The following LRP3 variants were observed in gnomAD, a reference collection of about 807,000 sequenced individuals.
LRP3 encodes LDL receptor related protein 3, also known as low-density lipoprotein receptor-related protein 3.
A neutral mutation model predicts 58.5 loss-of-function variants in LRP3; 49 were observed. That is an observed-to-expected ratio of 0.84 (90% CI 0.67 to 1.06). The LOEUF (loss-of-function observed/expected upper bound fraction) is 1.06, where lower values mean the gene tolerates loss of function less well. Ranked by LOEUF, LRP3 falls within the 50% of genes least tolerant of loss-of-function variation. The pLI is 0.00. For missense variants in LRP3, 1,019 were observed against 1,134.2 expected (o/e 0.90, Z 1.46); for synonymous variants, 485 against 492.2 (o/e 0.99, Z 0.20).
chr19:33,205,614 T>A lies in LRP3; in HGVS notation c.844T>A (p.Cys282Ser). Reference protein sequence around the residue: ...GAARGPSDLHCTWLVDTQDSR... With the variant: ...GAARGPSDLHSTWLVDTQDSR... ...CGCTCGCGGGCCCTCAGACCTTCAC[T>A]GCACGTGGCTGGTGGACACACAGGA... is the stretch of plus-strand genomic sequence containing the variant. The change falls in exon 5 of 7, where the codon TGC becomes AGC. Residue 282 changes from cysteine to serine, a missense_variant. Physicochemically the swap from Cys to Ser is moderately radical, Grantham distance 112. Coordinates refer to ENST00000253193, the MANE Select transcript of LRP3 (RefSeq NM_002333.4). 2 of 1,611,288 alleles carry A rather than the reference T, an allele frequency of 1.2e-6. No homozygotes were observed. Among genetic ancestry groups the A allele is most frequent in the Non-Finnish European group, 1.7e-6 (2 of 1,179,418 alleles).
rs1180862056 is a variant in LRP3 at position 33,207,713 on chromosome 19, C to T, written c.*138C>T. On this transcript the variant is annotated 3_prime_UTR_variant, in exon 7 of 7. Coordinates refer to ENST00000253193, the MANE Select transcript of LRP3 (RefSeq NM_002333.4). ...GCGGAGGGGCTGGCCCCTAAGCCAG[C>T]TGGCTGCACTGGTGGGCGGGAGCTG... 5 of 656,912 alleles carry T rather than the reference C, an allele frequency of 7.6e-6. No homozygotes were observed. The highest frequency in any genetic ancestry group is 1.3e-5 in the Non-Finnish European group (5 of 384,486). 40.7% of individuals were successfully genotyped at this position (656,912 alleles called of 1,614,324 possible). A position where few individuals can be genotyped will look rare whatever the true frequency, so the allele number is the denominator to read the frequency against.
intron 1 of LRP3, among the ~76,000 whole-genome samples, chr19:33,195,389 A>T (rs1418362582): frequency 6.6e-6 from 1 of 151,582 alleles, no homozygotes; most frequent in Non-Finnish European, 1.5e-5. Context: ...TCAGTTTAGG[A>T]GGGTGCTTGG....
intron 3 of LRP3, among the ~76,000 whole-genome samples, chr19:33,203,273 G>A (rs1344278455): frequency 6.6e-6 from 1 of 151,832 alleles, no homozygotes; most frequent in South Asian, 2.1e-4. Flanking sequence ...ATTTGAGCAG[G>A]TATGTGGTGT....
intron 2 of LRP3, 61 bp from the exon 3 acceptor site, chr19:33,202,787 C>A (rs139109600): frequency 1.3e-6 from 2 of 1,514,080 alleles, no homozygotes; most frequent in Non-Finnish European, 1.8e-6. Context: ...CCCTTCCCCC[C>A]ACTGCAACCC....
Position 33,206,640 on chromosome 19 carries a change from C to A in LRP3, c.1632C>A (p.Phe544Leu). The change falls in exon 6 of 7, where the codon TTC becomes TTA. Residue 544 changes from phenylalanine to leucine, a missense_variant. Phe to Leu is a conservative substitution (Grantham distance 22). This residue lies in a region of LRP3 where 427 missense variants were observed against 408.6 expected (regional missense o/e 1.04). Coordinates refer to ENST00000253193, the MANE Select transcript of LRP3 (RefSeq NM_002333.4). ...AGATGACGCGCCTGGAGGCTGAGTT[C>A]GTGCGGCGGGAGGCACCCCCATCCT... ...ETQMTRLEAEFVRREAPPSYG... is the reference protein window; with the variant it reads ...ETQMTRLEAELVRREAPPSYG... 6.2e-7 allele frequency: 1 copy of A among 1,602,720 alleles called. No homozygotes were observed. The highest frequency in any genetic ancestry group is 8.5e-7 in the Non-Finnish European group (1 of 1,174,368).
intron 2 of LRP3, among the ~76,000 whole-genome samples, chr19:33,200,126 A>G (rs1974326681): frequency 6.6e-6 from 1 of 152,214 alleles, no homozygotes; most frequent in South Asian, 2.1e-4. Context: ...TTAGAGATGC[A>G]ATGTGGGGGA....
At position 33,207,106 on chromosome 19, in the gene LRP3, C is replaced by T. The variant is rs771475431; in HGVS notation, c.1844C>T (p.Pro615Leu). Reference protein sequence around the residue: ...GRLWNRLFHRPRAPRGQIPLL... With the variant: ...GRLWNRLFHRLRAPRGQIPLL... ...CTCTGGAACCGGCTCTTTCACCGGC[C>T]GCGGGCGCCCCGAGGCCAGATCCCA... is the stretch of plus-strand genomic sequence containing the variant. The change falls in exon 7 of 7, where the codon CCG (proline) becomes CTG (leucine). Residue 615 changes from proline to leucine, a missense_variant. Physicochemically the swap from Pro to Leu is moderately conservative, Grantham distance 98 (BLOSUM62 -3). This residue lies in a region of LRP3 where 427 missense variants were observed against 408.6 expected (regional missense o/e 1.04). Coordinates refer to ENST00000253193, the MANE Select transcript of LRP3 (RefSeq NM_002333.4). 143 of 1,526,028 alleles carry T rather than the reference C, an allele frequency of 9.4e-5. No homozygotes were observed. Among genetic ancestry groups the T allele is most frequent in the Non-Finnish European group, 1.1e-4 (128 of 1,140,590 alleles). The allele number at this position is 1,526,028 out of a possible 1,614,324, so 94.5% of individuals were successfully genotyped here. A position where few individuals can be genotyped will look rare whatever the true frequency, so the allele number is the denominator to read the frequency against.
In LRP3 at chr19:33,207,608, G is replaced by A. The variant is rs761335275; in HGVS notation, c.*33G>A. The A allele has an allele frequency of 2.1e-5, 31 of 1,466,992 alleles. No homozygotes were observed. The highest frequency in any genetic ancestry group is 1.7e-4 in the Middle Eastern group (1 of 5,800). The allele number at this position is 1,466,992 out of a possible 1,614,324, so 90.9% of individuals were successfully genotyped here. On this transcript the variant is annotated 3_prime_UTR_variant, in exon 7 of 7. Coordinates refer to ENST00000253193, the MANE Select transcript of LRP3 (RefSeq NM_002333.4). ...GCTCGCTGGTGACCGCCACAGCCCC[G>A]CTTTGTAACCAGGGAATACACAGTC...
In LRP3 at chr19:33,208,062, C is replaced by CCCT. The variant is rs1162065272; in HGVS notation, c.*489_*491dup. 2 of 169,094 alleles carry CCCT rather than the reference C, an allele frequency of 1.2e-5. No homozygotes were observed. Among genetic ancestry groups the CCCT allele is most frequent in the Non-Finnish European group, 2.6e-5 (2 of 77,788 alleles). 10.5% of individuals were successfully genotyped at this position (169,094 alleles called of 1,614,324 possible). ...CCTGGGTTGGGTGGCTCCTGCCAAA[C>CCCT]CCTCATGCCCCTGGCCAGGCAGGCG... On this transcript the variant is annotated 3_prime_UTR_variant, in exon 7 of 7. Coordinates refer to ENST00000253193, the MANE Select transcript of LRP3 (RefSeq NM_002333.4). The surrounding 1 kb of genome is among the most constrained non-coding windows in gnomAD (Gnocchi z 4.7).
chr19:33,202,805 A>C, intron 2 of LRP3, 43 bp from the exon 3 acceptor site: 1 of 1,561,346 alleles, frequency 6.4e-7, no homozygotes. Context: ...CCCGCATCCC[A>C]ACCAAAGATG....
intron 2 of LRP3, among the ~76,000 whole-genome samples, chr19:33,197,918 G>A (rs1005879384): frequency 5.9e-5 from 9 of 152,308 alleles, no homozygotes; most frequent in Middle Eastern, 6.8e-3. Flanking sequence ...CAGGAGCCCG[G>A]CCTCCTCTGA....
intron 1 of LRP3, among the ~76,000 whole-genome samples, chr19:33,195,917 C>A (rs1568379995): frequency 6.6e-6 from 1 of 152,116 alleles, no homozygotes; most frequent in Non-Finnish European, 1.5e-5. Flanking sequence ...GCCTGGGTGT[C>A]CTGGGTGGGG....
chr19:33,208,755 C>T lies in LRP3; in HGVS notation c.*1180C>T, dbSNP rs1243021481. 9.0e-7 allele frequency: 1 copy of T among 1,114,596 alleles called. No homozygotes were observed. The highest frequency in any genetic ancestry group is 1.3e-6 in the Non-Finnish European group (1 of 797,926). 69.0% of individuals were successfully genotyped at this position (1,114,596 alleles called of 1,614,324 possible). A position where few individuals can be genotyped will look rare whatever the true frequency, so the allele number is the denominator to read the frequency against. ...AAACCCAGTCCACATTTTAGGGCTT[C>T]CTTAAACAGGCTTCTGAGAGTCGTA... On this transcript the variant is annotated 3_prime_UTR_variant, in exon 7 of 7. Coordinates refer to ENST00000253193, the MANE Select transcript of LRP3 (RefSeq NM_002333.4). The surrounding 1 kb of genome is among the most constrained non-coding windows in gnomAD (Gnocchi z 4.7).
chr19:33,206,931 C>A, intron 6 of LRP3, 57 bp from the exon 7 acceptor site: 1 of 1,310,962 alleles, frequency 7.6e-7, no homozygotes, highest in Non-Finnish European at 1.0e-6. Context: ...TGCCCCTGAG[C>A]AGCCTGTCTG....
At chr19:33,198,124 CT>C (rs2145448685) in intron 2 of LRP3, among the ~76,000 whole-genome samples, 1 of 152,268 alleles carries the variant, frequency 6.6e-6, no homozygotes, top group African/African-American at 2.4e-5. Flanking sequence ...GGTGTCACAG[CT>C]TATGAATGTG....
chr19:33,197,052 C>T (rs1305835378), intron 2 of LRP3, among the ~76,000 whole-genome samples: 3 of 152,128 alleles, frequency 2.0e-5, no homozygotes, highest in Non-Finnish European at 2.9e-5. Context: ...GTGCCTGGCA[C>T]GTGGTGGCTT....
At chr19:33,201,150 C>G (rs1222175932) in intron 2 of LRP3, among the ~76,000 whole-genome samples, 1 of 152,222 alleles carries the variant, frequency 6.6e-6, no homozygotes, top group Non-Finnish European at 1.5e-5. Context: ...ATGGCACGGC[C>G]CTACCTGCCT....
chr19:33,202,310 C>A (rs1049288604), intron 2 of LRP3, among the ~76,000 whole-genome samples: 1 of 152,232 alleles, frequency 6.6e-6, no homozygotes, highest in Non-Finnish European at 1.5e-5. Context: ...TGCTCCCACC[C>A]CCAGCCTATG....
chr19:33,201,419 G>A (rs559900445), intron 2 of LRP3, among the ~76,000 whole-genome samples: 5 of 152,312 alleles, frequency 3.3e-5, no homozygotes, highest in African/African-American at 9.6e-5. Context: ...GGGGGGCTAG[G>A]GGTTATGGGA....
Sources: allele counts gnomAD v4.1 joint callset (sites outside exome capture counted in the v4.1 genomes callset), GRCh38; gene constraint gnomAD v4.1.1; regional missense constraint gnomAD v4.1.1; non-coding constraint Gnocchi (gnomAD v3.1); transcripts MANE v1.5; gene names NCBI Gene and HGNC (gene_info 2026-07-23, HGNC 2026-07-21).